SH3RF3: variants seen among roughly 807,000 people sequenced by gnomAD.
SH3RF3 encodes the protein E3 ubiquitin-protein ligase SH3RF3.
Under a neutral mutation model 66.3 loss-of-function variants are expected in SH3RF3, and 29 were observed. The observed-to-expected ratio is 0.44, with a 90% confidence interval of 0.33 to 0.60. The LOEUF (loss-of-function observed/expected upper bound fraction) is 0.60, where lower values mean the gene tolerates loss of function less well. SH3RF3 is among the 20% of genes least tolerant of loss of function. SH3RF3 has a pLI of 0.04. For missense variants in SH3RF3, 1,194 were observed against 1,190.9 expected, an observed-to-expected ratio of 1.00 and a Z score of -0.04; for synonymous variants, 583 against 532.0, an observed-to-expected ratio of 1.10 and a Z score of -1.32.
In SH3RF3 at chr2:109,167,640, C is replaced by T. The variant is rs113661491; in HGVS notation, c.573+37527C>T. ...AGGCTGGAGTGCAGCGGCACGATCT[C>T]GGCTCACTGCAACCTCAGCTTCCTG... On this transcript the variant is annotated intron_variant, in intron 1 of 9. Transcript: ENST00000309415. Among the ~76,000 whole-genome samples the T allele has an allele frequency of 6.4e-3, 970 of 152,312 alleles. 14 individuals carry two copies. Among genetic ancestry groups the T allele is most frequent in the African/African-American group, 0.02 (833 of 41,564 alleles).
chr2:109,448,224 C>T (rs1177383109), intron 7 of SH3RF3, among the ~76,000 whole-genome samples: 2 of 152,194 alleles, frequency 1.3e-5, no homozygotes, highest in East Asian at 3.8e-4. Context: ...GATGCTTTCA[C>T]AGGCTTTATG....
intron 8 of SH3RF3, among the ~76,000 whole-genome samples, chr2:109,484,471 C>T (rs571060985): frequency 3.3e-5 from 5 of 152,256 alleles, no homozygotes; most frequent in African/African-American, 9.6e-5. Context: ...CACCTCTGAC[C>T]ACTCCCTTGG....
At chr2:109,404,244 C>G (rs938760855) in intron 4 of SH3RF3, among the ~76,000 whole-genome samples, 2 of 152,190 alleles carry the variant, frequency 1.3e-5, no homozygotes, top group African/African-American at 2.4e-5. Context: ...CTGTCAAGCT[C>G]TTTGCAGGAA....
chr2:109,423,536 G>T (rs1005695767), intron 5 of SH3RF3, among the ~76,000 whole-genome samples: 2 of 152,174 alleles, frequency 1.3e-5, no homozygotes, highest in African/African-American at 4.8e-5. Flanking sequence ...CACAGAACAG[G>T]CTGGTGCTGC....
rs146670064 is a variant in SH3RF3, at chr2:109,239,577, G to A, written c.574-108097G>A. Among the ~76,000 whole-genome samples, 19 of 152,328 alleles carry A rather than the reference G, an allele frequency of 1.2e-4. No homozygotes were observed. In the East Asian group the frequency reaches 3.5e-3, roughly 28 times the overall value. On this transcript the variant is annotated intron_variant, in intron 1 of 9. Coordinates refer to ENST00000309415, the MANE Select transcript of SH3RF3 (RefSeq NM_001099289.3). ...ACGGGGTTAGTGGGCAGACACCATT[G>A]TTTGCACACACGAGACTGGGTACAG...
At chr2:109,337,139 T>G (rs1465034230) in intron 1 of SH3RF3, among the ~76,000 whole-genome samples, 1 of 152,256 alleles carries the variant, frequency 6.6e-6, no homozygotes, top group Non-Finnish European at 1.5e-5. Context: ...CTTAAATGCC[T>G]TTCTAGAGAG....
intron 2 of SH3RF3, among the ~76,000 whole-genome samples, chr2:109,352,668 A>G (rs762020499): frequency 7.2e-5 from 11 of 152,172 alleles, no homozygotes; most frequent in Non-Finnish European, 1.3e-4. Context: ...CGAGAAACTC[A>G]GGGAACCAGT....
At chr2:109,291,280 C>CTTTTTTTTTTTTTT (rs11295870) in intron 1 of SH3RF3, among the ~76,000 whole-genome samples, 1 of 137,272 alleles carries the variant, frequency 7.3e-6, no homozygotes. Context: ...AGAGTAATCT[C>CTTTTTTTTTTTTTT]TTTTTTTTTT....
rs766820659 is a variant in SH3RF3 at position 109,429,908 on chromosome 2, G to A, written c.1404-2593G>A. On this transcript the variant is annotated intron_variant, in intron 5 of 9. Transcript: ENST00000309415. ...AGCCTGCAGTAGCCTGGAGGGAGAAGTGGCCCAGCCCCAGTCAGCGGGTGT... is the reference window on the plus strand; with the variant it reads ...AGCCTGCAGTAGCCTGGAGGGAGAAATGGCCCAGCCCCAGTCAGCGGGTGT... Among the ~76,000 whole-genome samples, 43 of 152,084 alleles carry A rather than the reference G, an allele frequency of 2.8e-4. 1 individual carries two copies. The highest frequency in any genetic ancestry group is 5.6e-4 in the Non-Finnish European group (38 of 67,984).
intron 1 of SH3RF3, among the ~76,000 whole-genome samples, chr2:109,285,665 A>G (rs1016707276): frequency 9.9e-5 from 15 of 152,050 alleles, no homozygotes; most frequent in African/African-American, 3.6e-4. Context: ...TGAGTGTCCT[A>G]TGGGGAAAAG....
intron 1 of SH3RF3, among the ~76,000 whole-genome samples, chr2:109,266,245 T>C (rs981066913): frequency 6.6e-6 from 1 of 151,870 alleles, no homozygotes; most frequent in Admixed American, 6.6e-5. Context: ...GTGTGTTGTG[T>C]GTGCTGTGTG....
chr2:109,364,358 C>G (rs919202353), intron 2 of SH3RF3, among the ~76,000 whole-genome samples: 1 of 152,172 alleles, frequency 6.6e-6, no homozygotes, highest in Non-Finnish European at 1.5e-5. Context: ...GCTTACATCA[C>G]CCATCTGTTC....
At chr2:109,278,531 G>C (rs1229727080) in intron 1 of SH3RF3, among the ~76,000 whole-genome samples, 2 of 152,244 alleles carry the variant, frequency 1.3e-5, no homozygotes, top group Admixed American at 1.3e-4. Context: ...CAACCCTGGG[G>C]TTACTGGAAT....
chr2:109,360,274 A>G, intron 2 of SH3RF3, among the ~76,000 whole-genome samples: 1 of 152,118 alleles, frequency 6.6e-6, no homozygotes, highest in East Asian at 1.9e-4. Context: ...CTAAATACTT[A>G]TGTGTGAATA....
intron 8 of SH3RF3, among the ~76,000 whole-genome samples, chr2:109,466,171 C>T (rs1261454649): frequency 6.7e-6 from 1 of 149,946 alleles, no homozygotes; most frequent in Non-Finnish European, 1.5e-5. Flanking sequence ...CAACCTCTGC[C>T]TCCCAGGTTC....
At chr2:109,206,597 C>A (rs184872092) in intron 1 of SH3RF3, among the ~76,000 whole-genome samples, 1 of 149,960 alleles carries the variant, frequency 6.7e-6, no homozygotes, top group East Asian at 2.0e-4. Context: ...TAGCTTGAGG[C>A]TGGAGTTCAA....
At chr2:109,260,561 T>C (rs1680324750) in intron 1 of SH3RF3, among the ~76,000 whole-genome samples, 1 of 152,184 alleles carries the variant, frequency 6.6e-6, no homozygotes, top group Non-Finnish European at 1.5e-5. Flanking sequence ...ACCTTGGTCA[T>C]AGGCAAGAGG....
chr2:109,503,954 G>A lies in SH3RF3; in HGVS notation c.*2283G>A, dbSNP rs115655027. 1,617 of 152,348 alleles carry A rather than the reference G, an allele frequency of 0.011. 10 individuals carry two copies. The highest frequency in any genetic ancestry group is 0.016 in the Non-Finnish European group (1,099 of 68,066). The allele number at this position is 152,348 out of a possible 1,614,324, so 9.4% of individuals were successfully genotyped here. On this transcript the variant is annotated 3_prime_UTR_variant, in exon 10 of 10. Coordinates refer to ENST00000309415, the MANE Select transcript of SH3RF3 (RefSeq NM_001099289.3). Reference sequence around the variant, plus strand: ...AGCTGGCCGCTTTCAGGGCAGAGTCGGGTGGGCGTTGGTGCCACCTTAGGA... The same window carrying A: ...AGCTGGCCGCTTTCAGGGCAGAGTCAGGTGGGCGTTGGTGCCACCTTAGGA...
intron 1 of SH3RF3, among the ~76,000 whole-genome samples, chr2:109,155,460 G>C (rs1410449337): frequency 6.6e-6 from 1 of 152,026 alleles, no homozygotes; most frequent in Non-Finnish European, 1.5e-5. Context: ...CCACCACCAC[G>C]CCTGGCTAAT....
Sources: gnomAD v4.1 joint callset for allele counts (sites outside exome capture counted in the v4.1 genomes callset) on GRCh38, gnomAD v4.1.1 for gene constraint, MANE v1.5 for transcripts, NCBI Gene and HGNC (gene_info 2026-07-23, HGNC 2026-07-21) for gene names.